LMX1A: variants seen among roughly 807,000 people sequenced by gnomAD.
LMX1A encodes the protein LIM homeobox transcription factor 1 alpha, also known as LIM homeobox transcription factor 1-alpha.
A neutral mutation model predicts 49.1 loss-of-function variants in LMX1A; 15 were observed. The ratio of observed to expected loss-of-function variants is 0.31; its 90% confidence interval spans 0.20 to 0.47. The LOEUF (loss-of-function observed/expected upper bound fraction) is 0.47. Among genes scored for constraint, LMX1A ranks in the 20% least tolerant of loss-of-function variants. The pLI is 1.00. For synonymous variants in LMX1A, 167 were observed against 185.7 expected (o/e 0.90, Z 0.82); for missense variants, 372 against 475.8 (o/e 0.78, Z 2.03).
At chr1:165,262,039 A>G (rs1201294685) in intron 3 of LMX1A, among the ~76,000 whole-genome samples, 1 of 152,196 alleles carries the variant, frequency 6.6e-6, no homozygotes, top group Non-Finnish European at 1.5e-5. Context: ...GGTGTATTTT[A>G]CCATACTTTT....
intron 3 of LMX1A, among the ~76,000 whole-genome samples, chr1:165,319,011 A>T (rs1039439699): frequency 1.0e-4 from 13 of 129,246 alleles, no homozygotes; most frequent in East Asian, 4.0e-4. Flanking sequence ...ACACACACAC[A>T]CACACACACA....
At chr1:165,323,479 G>A (rs1200341809) in intron 3 of LMX1A, among the ~76,000 whole-genome samples, 1 of 152,100 alleles carries the variant, frequency 6.6e-6, no homozygotes, top group African/African-American at 2.4e-5. Flanking sequence ...TTATATCACT[G>A]CCATGACATC....
rs185871476 is a variant in LMX1A, at chr1:165,348,677, T to G, written c.263+4399A>C. Reference sequence around the variant, plus strand: ...TTTCATGAGTAACTGCATGCCCAATTTTGATCTCCAAGTAATGTCACAGTA... The same window carrying G: ...TTTCATGAGTAACTGCATGCCCAATGTTGATCTCCAAGTAATGTCACAGTA... On this transcript the variant is annotated intron_variant, in intron 3 of 8. Transcript: ENST00000342310. Among the ~76,000 whole-genome samples the G allele has an allele frequency of 1.1e-4, 16 of 152,286 alleles. No individual in the cohort carries two copies. The East Asian group carries it at 2.5e-3, about 24-fold the overall frequency.
chr1:165,216,163 C>A (rs1030403026), intron 4 of LMX1A: 2 of 152,076 alleles, frequency 1.3e-5, no homozygotes, highest in Admixed American at 6.5e-5. Context: ...TCAGACATAA[C>A]CTTGGTGTGA....
At chr1:165,329,291 C>T (rs1316886108) in intron 3 of LMX1A, among the ~76,000 whole-genome samples, 1 of 152,160 alleles carries the variant, frequency 6.6e-6, no homozygotes, top group Admixed American at 6.5e-5. Flanking sequence ...CACCAGGTCT[C>T]GCCCTCGACA....
At chr1:165,329,462 C>T (rs1293873982) in intron 3 of LMX1A, among the ~76,000 whole-genome samples, 2 of 152,066 alleles carry the variant, frequency 1.3e-5, no homozygotes, top group Non-Finnish European at 2.9e-5. Context: ...AAACCAAAGG[C>T]CATTCAGTGA....
chr1:165,277,806 G>T lies in LMX1A; in HGVS notation c.264-28166C>A, dbSNP rs7516844. ...GATCTGATGTCATTTGGGGCAAAAA[G>T]AATCAAGCTTCTTTCATTTTGCTGG... On this transcript the variant is annotated intron_variant, in intron 3 of 8. Transcript: ENST00000342310. 6.4e-3 allele frequency among the ~76,000 whole-genome samples: 967 copies of T among 152,242 alleles called. 11 individuals are homozygous for T. Among genetic ancestry groups the T allele is most frequent in the African/African-American group, 0.022 (918 of 41,546 alleles).
intron 3 of LMX1A, among the ~76,000 whole-genome samples, chr1:165,347,589 A>G (rs1480618408): frequency 2.0e-5 from 3 of 152,226 alleles, no homozygotes; most frequent in Non-Finnish European, 4.4e-5. Context: ...AAAAACACTG[A>G]AGTAGAGCTA....
chr1:165,276,008 C>T (rs911413288), intron 3 of LMX1A, among the ~76,000 whole-genome samples: 1 of 151,886 alleles, frequency 6.6e-6, no homozygotes, highest in African/African-American at 2.4e-5. Context: ...CAAAGGGAAG[C>T]TGGAGTGTGA....
intron 3 of LMX1A, among the ~76,000 whole-genome samples, chr1:165,332,009 C>T (rs992896732): frequency 6.6e-6 from 1 of 152,048 alleles, no homozygotes; most frequent in South Asian, 2.1e-4. Flanking sequence ...AGAGAGTAAA[C>T]AGATGTATAT....
At chr1:165,333,403 C>T (rs1294114255) in intron 3 of LMX1A, among the ~76,000 whole-genome samples, 2 of 152,168 alleles carry the variant, frequency 1.3e-5, no homozygotes, top group Non-Finnish European at 1.5e-5. Flanking sequence ...AGGTGATCTG[C>T]CCACCTCCGC....
At chr1:165,341,847 C>T (rs998750405) in intron 3 of LMX1A, among the ~76,000 whole-genome samples, 9 of 152,114 alleles carry the variant, frequency 5.9e-5, no homozygotes, top group South Asian at 2.1e-4. Context: ...GAATTTAATA[C>T]GAATGTTTGA....
intron 3 of LMX1A, among the ~76,000 whole-genome samples, chr1:165,332,670 A>T (rs1655782627): frequency 2.6e-5 from 4 of 152,186 alleles, no homozygotes; most frequent in Admixed American, 2.6e-4. Flanking sequence ...TATCAAGCAA[A>T]CACATCCACC....
intron 3 of LMX1A, among the ~76,000 whole-genome samples, chr1:165,265,519 G>A (rs1447365478): frequency 6.6e-6 from 1 of 152,146 alleles, no homozygotes; most frequent in Non-Finnish European, 1.5e-5. Context: ...AGACATCCAG[G>A]AAGAAGAGAC....
intron 3 of LMX1A, among the ~76,000 whole-genome samples, chr1:165,338,335 C>T (rs896061887): frequency 7.9e-5 from 12 of 152,168 alleles, no homozygotes; most frequent in African/African-American, 2.9e-4. Flanking sequence ...ACAGTTTGAC[C>T]TCTGCAATAC....
intron 3 of LMX1A, among the ~76,000 whole-genome samples, chr1:165,337,745 G>A (rs1294061563): frequency 6.6e-6 from 1 of 152,124 alleles, no homozygotes; most frequent in Non-Finnish European, 1.5e-5. Context: ...TATGGGTTGG[G>A]TTCTCAAAGA....
At chr1:165,290,593 T>G (rs1654441125) in intron 3 of LMX1A, among the ~76,000 whole-genome samples, 1 of 152,212 alleles carries the variant, frequency 6.6e-6, no homozygotes, top group Non-Finnish European at 1.5e-5. Flanking sequence ...TTGGACCTGA[T>G]GTCTTTGGGG....
chr1:165,228,984 T>C (rs1470918644), intron 4 of LMX1A, among the ~76,000 whole-genome samples: 3 of 152,182 alleles, frequency 2.0e-5, no homozygotes, highest in Non-Finnish European at 4.4e-5. Flanking sequence ...GACAGGTTTT[T>C]CCACGTGTTG....
intron 3 of LMX1A, among the ~76,000 whole-genome samples, chr1:165,341,979 T>TA (rs1656091687): frequency 6.6e-6 from 1 of 152,236 alleles, no homozygotes; most frequent in Non-Finnish European, 1.5e-5. Context: ...GCTCATGTGT[T>TA]ACCTGAAATC....
Sources: gnomAD v4.1 joint callset for allele counts (sites outside exome capture counted in the v4.1 genomes callset) on GRCh38, gnomAD v4.1.1 for gene constraint, MANE v1.5 for transcripts, NCBI Gene and HGNC (gene_info 2026-07-23, HGNC 2026-07-21) for gene names.